CDH18: variants seen among roughly 807,000 people sequenced by gnomAD.
The protein encoded by CDH18 is cadherin-18.
Under a neutral mutation model 67.9 loss-of-function variants are expected in CDH18, and 31 were observed. That is an observed-to-expected ratio of 0.46 (90% CI 0.34 to 0.62). CDH18 has a LOEUF of 0.62. CDH18 is among the 20% of genes least tolerant of loss of function. CDH18 has a pLI of 0.01. For synonymous variants in CDH18, 362 were observed against 347.2 expected, an observed-to-expected ratio of 1.04 and a Z score of -0.48; for missense variants, 890 against 975.5, an observed-to-expected ratio of 0.91 and a Z score of 1.17.
chr5:20,178,415 C>A (rs999447014), intron 2 of CDH18, among the ~76,000 whole-genome samples: 1 of 151,716 alleles, frequency 6.6e-6, no homozygotes, highest in Non-Finnish European at 1.5e-5. Flanking sequence ...CTAAAAACAT[C>A]ATTGTTTCTC....
At chr5:19,601,648 A>T (rs1421931459) in intron 6 of CDH18, among the ~76,000 whole-genome samples, 1 of 152,134 alleles carries the variant, frequency 6.6e-6, no homozygotes, top group Non-Finnish European at 1.5e-5. Flanking sequence ...ACACTAAAAT[A>T]ATAGAAAATT....
At chr5:19,569,360 A>G (rs1740975472) in intron 8 of CDH18, among the ~76,000 whole-genome samples, 1 of 152,110 alleles carries the variant, frequency 6.6e-6, no homozygotes, top group Admixed American at 6.6e-5. Context: ...TGCCTCCAGA[A>G]AGTTTTGGAA....
At chr5:20,405,787 C>G (rs1387914157) in intron 1 of CDH18, among the ~76,000 whole-genome samples, 1 of 152,176 alleles carries the variant, frequency 6.6e-6, no homozygotes, top group Non-Finnish European at 1.5e-5. Context: ...TGAATAGACA[C>G]TTCTGAAAAG....
At chr5:20,518,903 G>A (rs779167873) in intron 1 of CDH18, among the ~76,000 whole-genome samples, 2 of 152,100 alleles carry the variant, frequency 1.3e-5, no homozygotes, top group Non-Finnish European at 2.9e-5. Flanking sequence ...CTTACAAGAT[G>A]TACCAAGTGA....
chr5:20,221,014 C>T (rs1208398178), intron 2 of CDH18, among the ~76,000 whole-genome samples: 1 of 151,846 alleles, frequency 6.6e-6, no homozygotes, highest in Admixed American at 6.6e-5. Context: ...CCTTGTACAC[C>T]GTTGGTGGGT....
intron 1 of CDH18, among the ~76,000 whole-genome samples, chr5:20,458,729 C>G (rs1000367600): frequency 3.3e-5 from 5 of 152,072 alleles, no homozygotes; most frequent in Admixed American, 1.3e-4. Flanking sequence ...GAAATTCCTC[C>G]TTGATATTTG....
intron 1 of CDH18, among the ~76,000 whole-genome samples, chr5:20,454,183 T>G (rs1750676076): frequency 6.6e-6 from 1 of 152,140 alleles, no homozygotes; most frequent in South Asian, 2.1e-4. Flanking sequence ...GTGTCTATTA[T>G]TATAAAAATG....
At chr5:19,973,002 A>G (rs1285689095) in intron 2 of CDH18, among the ~76,000 whole-genome samples, 1 of 152,002 alleles carries the variant, frequency 6.6e-6, no homozygotes, top group Non-Finnish European at 1.5e-5. Context: ...ATAATATTAC[A>G]GTTAATCGTT....
chr5:19,524,706 A>T (rs1747459707), intron 9 of CDH18, among the ~76,000 whole-genome samples: 1 of 152,114 alleles, frequency 6.6e-6, no homozygotes, highest in African/African-American at 2.4e-5. Flanking sequence ...AGCTCTAGTC[A>T]TAGGTATCAG....
intron 3 of CDH18, among the ~76,000 whole-genome samples, chr5:19,749,852 T>C (rs1408935877): frequency 6.6e-6 from 1 of 151,582 alleles, no homozygotes; most frequent in Non-Finnish European, 1.5e-5. Flanking sequence ...TTATAATACC[T>C]AGTTAACAGC....
At chr5:19,855,898 A>G (rs1408299930) in intron 2 of CDH18, among the ~76,000 whole-genome samples, 1 of 152,190 alleles carries the variant, frequency 6.6e-6, no homozygotes, top group Admixed American at 6.6e-5. Context: ...GATATTTTCA[A>G]GGTGGTTTTT....
intron 1 of CDH18, among the ~76,000 whole-genome samples, chr5:20,263,725 T>C (rs1487530376): frequency 6.6e-6 from 1 of 152,192 alleles, no homozygotes; most frequent in Non-Finnish European, 1.5e-5. Context: ...AGGTTCCATT[T>C]GGCAATTAAA....
At chr5:19,821,150 C>T (rs1779829034) in intron 3 of CDH18, among the ~76,000 whole-genome samples, 1 of 152,066 alleles carries the variant, frequency 6.6e-6, no homozygotes. Context: ...GTTTGGATGG[C>T]AAGGAAGCTC....
intron 8 of CDH18, among the ~76,000 whole-genome samples, chr5:19,557,525 TAAAAA>T (rs1738651667): frequency 6.6e-6 from 1 of 151,836 alleles, no homozygotes. Context: ...CAACAGCAGT[TAAAAA>T]AGACAGAGGG....
chr5:19,706,123 G>A (rs1334033073), intron 5 of CDH18, among the ~76,000 whole-genome samples: 1 of 152,060 alleles, frequency 6.6e-6, no homozygotes, highest in Admixed American at 6.5e-5. Context: ...TTCTTCATAT[G>A]TGGTTCATTC....
intron 2 of CDH18, among the ~76,000 whole-genome samples, chr5:20,104,770 C>A (rs1321882925): frequency 1.3e-5 from 2 of 151,926 alleles, no homozygotes; most frequent in African/African-American, 4.8e-5. Context: ...CTAATGCTAC[C>A]TTTTCCATAG....
At chr5:20,547,641 T>C (rs1757414169) in intron 1 of CDH18, among the ~76,000 whole-genome samples, 1 of 152,132 alleles carries the variant, frequency 6.6e-6, no homozygotes, top group African/African-American at 2.4e-5. Flanking sequence ...ATAGCATTCT[T>C]AGGCTAATAT....
intron 1 of CDH18, among the ~76,000 whole-genome samples, chr5:20,265,057 G>T (rs1318845244): frequency 1.3e-5 from 2 of 152,120 alleles, no homozygotes; most frequent in African/African-American, 2.4e-5. Context: ...TTCAATCTCA[G>T]ACGAATGTCA....
chr5:19,494,306 G>A (rs902062099), intron 11 of CDH18, among the ~76,000 whole-genome samples: 6 of 151,848 alleles, frequency 4.0e-5, no homozygotes, highest in Admixed American at 3.3e-4. Context: ...ATTCTTTATT[G>A]TTTCATCTCT....
Sources: allele counts gnomAD v4.1 joint callset (sites outside exome capture counted in the v4.1 genomes callset), GRCh38; gene constraint gnomAD v4.1.1; transcripts MANE v1.5; gene names NCBI Gene and HGNC (gene_info 2026-07-23, HGNC 2026-07-21).